Variants in SHCBP1 observed in about 807,000 individuals in gnomAD.
SHCBP1 encodes SHC binding and spindle associated 1, also known as SHC SH2 domain-binding protein 1.
SHCBP1 carries 60 observed loss-of-function variants against 75.1 expected under a neutral mutation model. That is an observed-to-expected ratio of 0.80 (90% confidence interval 0.65 to 0.99). The LOEUF (loss-of-function observed/expected upper bound fraction) is 0.99. Among genes scored for constraint, SHCBP1 ranks in the 50% least tolerant of loss-of-function variants. The pLI is 0.00. For synonymous variants in SHCBP1, 290 were observed against 293.2 expected (o/e 0.99, Z 0.11); for missense variants, 709 against 809.4 (o/e 0.88, Z 1.50).
In SHCBP1 at chr16:46,610,544, A is replaced by ATTTTTTTTTTT. The variant is rs60140518; in HGVS notation, c.597-2166_597-2156dup. On this transcript the variant is annotated intron_variant, in intron 4 of 12. Transcript: ENST00000303383. ...TGGTGATTACATCCCCATGGGGTCAATTTTTTTTTTTTTTTTTTTTTTTTT... is the reference window on the plus strand; with the variant it reads ...TGGTGATTACATCCCCATGGGGTCAATTTTTTTTTTTTTTTTTTTTTTTTTTTTTTTTTTTT... Among the ~76,000 whole-genome samples the ATTTTTTTTTTT allele has an allele frequency of 3.0e-3, 93 of 31,100 alleles. 35 individuals are homozygous for ATTTTTTTTTTT. Among genetic ancestry groups the ATTTTTTTTTTT allele is most frequent in the Middle Eastern group, 0.062 (1 of 16 alleles). 20.4% of individuals were successfully genotyped at this position (31,100 alleles called of 152,430 possible).
rs1965355739 is a variant in SHCBP1, at chr16:46,608,349, C to A, written c.637G>T (p.Glu213Ter). The A allele has an allele frequency of 1.2e-6, 2 of 1,613,766 alleles. No homozygotes were observed. Among genetic ancestry groups the A allele is most frequent in the African/African-American group, 2.7e-5 (2 of 74,928 alleles). ...QNIWRSWDEE[E>*]EDEYDYFVRC... ...ACAAAATAATCGTATTCATCCTCCT[C>A]TTCTTCATCCCAACTCCTCCAAATG... Residue 213 changes from glutamate to a stop codon, truncating the protein, a stop_gained, in exon 5 of 13, where the codon GAG becomes TAG. Transcript: ENST00000303383. LOFTEE classifies it high-confidence loss of function.
At chr16:46,590,246 A>T (rs905952948) in intron 10 of SHCBP1, among the ~76,000 whole-genome samples, 3 of 152,250 alleles carry the variant, frequency 2.0e-5, no homozygotes, top group Admixed American at 6.5e-5. Context: ...ACCATTCAGG[A>T]CATACGCATG....
chr16:46,599,879 T>C lies in SHCBP1; in HGVS notation c.1297A>G (p.Ile433Val), dbSNP rs778453932. 8.7e-6 allele frequency: 14 copies of C among 1,612,126 alleles called. No homozygotes were observed. The highest frequency in any genetic ancestry group is 1.7e-5 in the Admixed American group (1 of 59,466). The change falls in exon 9 of 13, where the codon ATC becomes GTC. Residue 433 changes from isoleucine (I) to valine (V), a missense_variant. Transcript: ENST00000303383. ...TGCTGAACAAATTTTATGCCTGAGA[T>C]TTTAATATCAGCACCAGTGCAGTCC... Reference protein sequence around the residue: ...FVDCTGADIKISGIKFVQHDA... With the variant: ...FVDCTGADIKVSGIKFVQHDA...
intron 4 of SHCBP1, among the ~76,000 whole-genome samples, chr16:46,615,631 T>G (rs1376437177): frequency 6.6e-6 from 1 of 151,944 alleles, no homozygotes; most frequent in East Asian, 1.9e-4. Flanking sequence ...TCCCAGCTAC[T>G]CGAGAGGCTG....
chr16:46,612,454 T>C (rs549603221), intron 4 of SHCBP1, among the ~76,000 whole-genome samples: 2 of 152,308 alleles, frequency 1.3e-5, no homozygotes, highest in South Asian at 2.1e-4. Context: ...CTTCACCCTC[T>C]AGTGGAGTCT....
intron 4 of SHCBP1, 99 bp downstream of exon 4, chr16:46,615,847 C>T: frequency 1.0e-6 from 1 of 1,000,422 alleles, no homozygotes; most frequent in Non-Finnish European, 1.6e-6. Flanking sequence ...ACCAAGTTTA[C>T]AGTTGAGTTT....
Position 46,616,264 on chromosome 16 carries a change from G to T in SHCBP1, c.388-110C>A. 9.6e-7 allele frequency: 1 copy of T among 1,036,596 alleles called. No individual in the cohort carries two copies. The highest frequency in any genetic ancestry group is 1.4e-6 in the Non-Finnish European group (1 of 701,056). The allele number at this position is 1,036,596 out of a possible 1,614,324, so 64.2% of individuals were successfully genotyped here. A position where few individuals can be genotyped will look rare whatever the true frequency, so the allele number is the denominator to read the frequency against. ...TAAAAGCATACAACATGGGTGGGGA[G>T]GCTTTACCCATAATATAAAGGATGA... On this transcript the variant is annotated intron_variant, in intron 3 of 12. Transcript: ENST00000303383. This position sits in a 1 kb window ranked among gnomAD's most constrained non-coding sequence, Gnocchi z 4.4.
rs1965352997 is a variant in SHCBP1 at position 46,608,226 on chromosome 16, A to C, written c.689+71T>G. 3.9e-6 allele frequency: 4 copies of C among 1,021,498 alleles called. No homozygotes were observed. In the East Asian group the frequency reaches 1.0e-4, roughly 26 times the overall value. 63.3% of individuals were successfully genotyped at this position (1,021,498 alleles called of 1,614,324 possible). On this transcript the variant is annotated intron_variant, in intron 5 of 12. Transcript: ENST00000303383. ...GGGTGTGTGTGTGTGTGTGTATCTC[A>C]CACAGGCAAAATTAAACCATGGGTA...
At chr16:46,600,335 CA>C (rs1375214731) in intron 8 of SHCBP1, among the ~76,000 whole-genome samples, 2 of 152,180 alleles carry the variant, frequency 1.3e-5, no homozygotes, top group East Asian at 1.9e-4. Context: ...GGCATGGTGG[CA>C]TGCACCAATT....
chr16:46,585,746 G>A lies in SHCBP1; in HGVS notation c.1465-1657C>T, dbSNP rs530958291. ...AAGACAACCACTCCCTCCCTACTGG[G>A]GCAGTGTCAGAGCAGGCCTAGTGGA... On this transcript the variant is annotated intron_variant, in intron 10 of 12. Transcript: ENST00000303383. Among the ~76,000 whole-genome samples, 3 of 152,286 alleles carry A rather than the reference G, an allele frequency of 2.0e-5. No homozygotes were observed. The East Asian group carries it at 5.8e-4, about 29-fold the overall frequency.
intron 8 of SHCBP1, 44 bp from the exon 9 acceptor site, chr16:46,600,006 A>T (rs1965208743): frequency 6.2e-7 from 1 of 1,605,876 alleles, no homozygotes; most frequent in Middle Eastern, 1.7e-4. Flanking sequence ...GTGAGGAAAA[A>T]CATCTAAACG....
intron 1 of SHCBP1, chr16:46,620,685 G>A (rs973997811): frequency 6.6e-6 from 1 of 151,894 alleles, no homozygotes; most frequent in Admixed American, 6.6e-5. Flanking sequence ...ACATGAACCA[G>A]CTTAAAATAT....
chr16:46,591,099 T>C (rs1161218768), intron 10 of SHCBP1, among the ~76,000 whole-genome samples: 1 of 152,032 alleles, frequency 6.6e-6, no homozygotes, highest in African/African-American at 2.4e-5. Flanking sequence ...TTGTCACTCA[T>C]AGGTGGGAAT....
chr16:46,617,713 G>T lies in SHCBP1; in HGVS notation c.308C>A (p.Ala103Asp). 1 of 1,613,058 alleles carries T rather than the reference G, an allele frequency of 6.2e-7. No homozygotes were observed. Among genetic ancestry groups the T allele is most frequent in the Non-Finnish European group, 8.5e-7 (1 of 1,180,012 alleles). ...CTCAAGGACCTTCTCCAAGAACTCA[G>T]CTGTGAATTCCTGTACCTCAGAGGC... The part of the protein sequence containing the change: ...CKASEVQEFT[A>D]EFLEKVLEPS... Residue 103 changes from alanine to aspartate, a missense_variant, in exon 3 of 13, where the codon GCT becomes GAT. Physicochemically the swap from Ala to Asp is moderately radical, Grantham distance 126. Transcript: ENST00000303383.
chr16:46,617,268 T>C (rs1965514320), intron 3 of SHCBP1, among the ~76,000 whole-genome samples: 1 of 152,046 alleles, frequency 6.6e-6, no homozygotes, highest in Admixed American at 6.6e-5. Flanking sequence ...AGCAACACAG[T>C]GAGACTTCAT....
chr16:46,596,290 A>C (rs1002711532), intron 9 of SHCBP1, among the ~76,000 whole-genome samples: 1 of 151,980 alleles, frequency 6.6e-6, no homozygotes, highest in Non-Finnish European at 1.5e-5. Flanking sequence ...CAGAACACCC[A>C]AGGTCAGGAG....
chr16:46,609,360 TTCCCTCTCC>T (rs1193483624), intron 4 of SHCBP1, among the ~76,000 whole-genome samples: 2 of 151,686 alleles, frequency 1.3e-5, no homozygotes, highest in African/African-American at 4.8e-5. Context: ...GAACAATTAG[TTCCCTCTCC>T]CAGACCAAGC....
At chr16:46,589,919 ATAC>A (rs1203350353) in intron 10 of SHCBP1, among the ~76,000 whole-genome samples, 2 of 152,232 alleles carry the variant, frequency 1.3e-5, no homozygotes, top group African/African-American at 2.4e-5. Flanking sequence ...ACTTCAAACT[ATAC>A]TACAAGACTA....
chr16:46,586,024 A>G (rs149340493), intron 10 of SHCBP1, among the ~76,000 whole-genome samples: 45 of 152,344 alleles, frequency 3.0e-4, no homozygotes, highest in African/African-American at 1.1e-3. Flanking sequence ...AAGTTAAAAC[A>G]GAAGATCCAG....
Sources: gnomAD v4.1 joint callset for allele counts (sites outside exome capture counted in the v4.1 genomes callset) on GRCh38, gnomAD v4.1.1 for gene constraint, Gnocchi (gnomAD v3.1) non-coding constraint, MANE v1.5 for transcripts, NCBI Gene and HGNC (gene_info 2026-07-23, HGNC 2026-07-21) for gene names.